PLEKHM3: variants seen among roughly 807,000 people sequenced by gnomAD.
The protein encoded by PLEKHM3 is pleckstrin homology domain containing M3, also known as pleckstrin homology domain-containing family M member 3.
Under a neutral mutation model 81.8 loss-of-function variants are expected in PLEKHM3, and 45 were observed. That is an observed-to-expected ratio of 0.55 (90% CI 0.43 to 0.71). The LOEUF (loss-of-function observed/expected upper bound fraction) is 0.71, where lower values mean the gene tolerates loss of function less well. PLEKHM3 is among the 30% of genes least tolerant of loss of function. The probability of loss-of-function intolerance (pLI) is 0.00; values close to 1 mark genes in which losing one functional copy is unlikely to be tolerated. For missense variants in PLEKHM3, 788 were observed against 924.3 expected (o/e 0.85, Z 1.91); for synonymous variants, 352 against 356.4 (o/e 0.99, Z 0.14).
chr2:207,999,814 T>C (rs1453236546), intron 2 of PLEKHM3, among the ~76,000 whole-genome samples: 2 of 152,190 alleles, frequency 1.3e-5, no homozygotes, highest in Non-Finnish European at 2.9e-5. Flanking sequence ...ACTATATCCT[T>C]GCCTCGGGTT....
intron 6 of PLEKHM3, among the ~76,000 whole-genome samples, chr2:207,902,734 T>C (rs1688472769): frequency 6.6e-6 from 1 of 152,142 alleles, no homozygotes; most frequent in South Asian, 2.1e-4. Context: ...ATCAGTTTGC[T>C]TTGCTTTTCA....
chr2:207,868,386 C>T (rs1022337888), intron 6 of PLEKHM3, among the ~76,000 whole-genome samples: 4 of 151,928 alleles, frequency 2.6e-5, no homozygotes, highest in African/African-American at 7.3e-5. Context: ...GGCTGGCCTT[C>T]GGGAGCTTTC....
At chr2:207,923,924 T>TTTTTTC (rs1689294104) in intron 5 of PLEKHM3, among the ~76,000 whole-genome samples, 1 of 131,834 alleles carries the variant, frequency 7.6e-6, no homozygotes. Flanking sequence ...TTTTTTTTTT[T>TTTTTTC]CTGAGGCGGA....
chr2:207,892,490 C>T (rs138282033), intron 6 of PLEKHM3, among the ~76,000 whole-genome samples: 113 of 152,260 alleles, frequency 7.4e-4, no homozygotes, highest in African/African-American at 2.5e-3. Context: ...CTAACTAGCA[C>T]GGCTGGCCAT....
At chr2:207,872,340 T>C (rs1436602115) in intron 6 of PLEKHM3, among the ~76,000 whole-genome samples, 1 of 152,218 alleles carries the variant, frequency 6.6e-6, no homozygotes, top group Admixed American at 6.5e-5. Context: ...TGATCTGAAC[T>C]GGATCTGCCT....
intron 7 of PLEKHM3, among the ~76,000 whole-genome samples, chr2:207,830,980 C>T (rs1411357436): frequency 6.6e-6 from 1 of 152,226 alleles, no homozygotes; most frequent in Non-Finnish European, 1.5e-5. Flanking sequence ...CCTTTCTGAG[C>T]TTCCTGCACT....
intron 6 of PLEKHM3, among the ~76,000 whole-genome samples, chr2:207,880,057 T>G (rs1186924553): frequency 1.3e-5 from 2 of 152,308 alleles, no homozygotes; most frequent in South Asian, 2.1e-4. Context: ...GATTATAACA[T>G]AAGTTAATTG....
chr2:207,981,802 C>A (rs572849439), intron 2 of PLEKHM3, among the ~76,000 whole-genome samples: 4 of 152,104 alleles, frequency 2.6e-5, no homozygotes. Flanking sequence ...TTAAAGTATT[C>A]AATTTCATAA....
chr2:207,953,926 G>C (rs1174063844), intron 3 of PLEKHM3, among the ~76,000 whole-genome samples: 2 of 152,116 alleles, frequency 1.3e-5, no homozygotes. Context: ...AACTTCAGCT[G>C]GCACTTGTAG....
At chr2:207,850,984 C>G (rs2105897066) in intron 7 of PLEKHM3, among the ~76,000 whole-genome samples, 1 of 152,098 alleles carries the variant, frequency 6.6e-6, no homozygotes, top group South Asian at 2.1e-4. Flanking sequence ...GAAACCCCAT[C>G]TCTACTAAAA....
At chr2:207,831,945 A>G in intron 7 of PLEKHM3, among the ~76,000 whole-genome samples, 1 of 152,186 alleles carries the variant, frequency 6.6e-6, no homozygotes, top group East Asian at 1.9e-4. Flanking sequence ...AGTGATTTAT[A>G]CACCTAGGGA....
chr2:207,890,256 C>A (rs763340930), intron 6 of PLEKHM3, among the ~76,000 whole-genome samples: 3 of 152,118 alleles, frequency 2.0e-5, no homozygotes, highest in Non-Finnish European at 4.4e-5. Context: ...AATAGAGTTA[C>A]CAGAAATCTT....
chr2:207,934,202 G>A (rs183466388), intron 4 of PLEKHM3, among the ~76,000 whole-genome samples: 1 of 152,282 alleles, frequency 6.6e-6, no homozygotes, highest in East Asian at 1.9e-4. Flanking sequence ...TGAATTATAT[G>A]TGAACACTGA....
At chr2:208,018,371 CA>C (rs56987058) in intron 1 of PLEKHM3, among the ~76,000 whole-genome samples, 76,554 of 111,390 alleles carry the variant, frequency 0.69, 23,827 homozygotes, top group Admixed American at 0.71. Flanking sequence ...GACTCTGTCT[CA>C]AAAAAAAAAA....
intron 7 of PLEKHM3, chr2:207,852,782 C>T (rs2092419318): frequency 2.2e-6 from 1 of 445,410 alleles, no homozygotes; most frequent in African/African-American, 2.0e-5. Flanking sequence ...AAAACCCAAA[C>T]CTCAGCATCA....
At chr2:207,897,671 G>T (rs1384519197) in intron 6 of PLEKHM3, among the ~76,000 whole-genome samples, 2 of 152,140 alleles carry the variant, frequency 1.3e-5, no homozygotes, top group Non-Finnish European at 2.9e-5. Flanking sequence ...GCCCAATGTT[G>T]GATATCATCA....
rs552242821 is a variant in PLEKHM3 at position 208,024,586 on chromosome 2, T to C, written c.-319+803A>G. On this transcript the variant is annotated intron_variant, in intron 1 of 7. Transcript: ENST00000427836. ...CAAAAACTGCCTTGTATTTTAAGTA[T>C]GCCAATTATAATTTACATGTAGTAT... 6.5e-4 allele frequency among the ~76,000 whole-genome samples: 99 copies of C among 152,330 alleles called. 1 individual carries two copies. The highest frequency in any genetic ancestry group is 2.3e-3 in the African/African-American group (94 of 41,572).
intron 6 of PLEKHM3, among the ~76,000 whole-genome samples, chr2:207,881,454 T>C (rs2092590948): frequency 1.3e-5 from 2 of 152,204 alleles, no homozygotes; most frequent in South Asian, 2.1e-4. Flanking sequence ...GGGGTCTTAC[T>C]ACTCCTGTTT....
In PLEKHM3 at chr2:207,946,435, A is replaced by C; in HGVS notation, c.1624T>G (p.Cys542Gly). ...NYSGWYYCSS[C>G]HVDDSFLIPA... ...ATGAGAAAGCTGTCATCCACGTGGC[A>C]GCTACTGCAGTAATACCACCCACTG... The change falls in exon 4 of 8, where the codon TGC becomes GGC. Residue 542 changes from cysteine to glycine, a missense_variant. Cys to Gly is a radical substitution (Grantham distance 159, BLOSUM62 -3). Coordinates refer to ENST00000427836, the MANE Select transcript of PLEKHM3 (RefSeq NM_001080475.3). 6.2e-7 allele frequency: 1 copy of C among 1,614,202 alleles called. No individual in the cohort carries two copies. The highest frequency in any genetic ancestry group is 8.5e-7 in the Non-Finnish European group (1 of 1,180,030).
Sources: gnomAD v4.1 joint callset for allele counts (sites outside exome capture counted in the v4.1 genomes callset) on GRCh38, gnomAD v4.1.1 for gene constraint, MANE v1.5 for transcripts, NCBI Gene and HGNC (gene_info 2026-07-23, HGNC 2026-07-21) for gene names.